MDGA2: variants seen among roughly 807,000 people sequenced by gnomAD.
MDGA2 encodes MAM domain-containing glycosylphosphatidylinositol anchor protein 2.
In MDGA2, 40 loss-of-function variants were observed where a neutral mutation model predicts 117.8. That is an observed-to-expected ratio of 0.34 (90% CI 0.26 to 0.44). The LOEUF is 0.44. Ranked by LOEUF, MDGA2 falls within the 20% of genes least tolerant of loss-of-function variation. The pLI, the probability that MDGA2 is intolerant of heterozygous loss-of-function variation, is 1.00. For synonymous variants in MDGA2, 452 were observed against 439.0 expected (o/e 1.03, Z -0.37); for missense variants, 1,123 against 1,250.6 (o/e 0.90, Z 1.54).
intron 6 of MDGA2, among the ~76,000 whole-genome samples, chr14:47,082,655 C>A (rs922496007): frequency 6.6e-6 from 1 of 151,556 alleles, no homozygotes; most frequent in African/African-American, 2.4e-5. Context: ...AATCCTGAGC[C>A]GGTTTTTCAT....
chr14:47,309,283 T>C (rs1489835628), intron 1 of MDGA2, among the ~76,000 whole-genome samples: 2 of 152,164 alleles, frequency 1.3e-5, no homozygotes, highest in Non-Finnish European at 2.9e-5. Context: ...TCCACATCAA[T>C]GTAAACTTAT....
intron 9 of MDGA2, among the ~76,000 whole-genome samples, chr14:46,945,216 A>C: frequency 6.6e-6 from 1 of 152,120 alleles, no homozygotes; most frequent in East Asian, 1.9e-4. Context: ...GGATGTTCCT[A>C]AACTCTTCTA....
intron 2 of MDGA2, among the ~76,000 whole-genome samples, chr14:47,255,428 T>G (rs1191812804): frequency 6.6e-6 from 1 of 152,100 alleles, no homozygotes; most frequent in African/African-American, 2.4e-5. Flanking sequence ...ATGATCAGAT[T>G]TGTGTGTTCA....
At chr14:46,846,922 G>C (rs1296635868) in intron 15 of MDGA2, among the ~76,000 whole-genome samples, 1 of 152,042 alleles carries the variant, frequency 6.6e-6, no homozygotes, top group Non-Finnish European at 1.5e-5. Context: ...CAACAAATCT[G>C]ACAATGTTTA....
At chr14:47,208,260 T>C (rs894213328) in intron 3 of MDGA2, among the ~76,000 whole-genome samples, 3 of 152,050 alleles carry the variant, frequency 2.0e-5, no homozygotes, top group Non-Finnish European at 4.4e-5. Flanking sequence ...AAAGCAAAGG[T>C]AGCCAGGTTT....
chr14:47,673,051 G>T (rs532163451), intron 1 of MDGA2, among the ~76,000 whole-genome samples: 3 of 152,194 alleles, frequency 2.0e-5, no homozygotes, highest in East Asian at 3.9e-4. Context: ...CCTTAGAGTC[G>T]GGAGAAAGTG....
chr14:47,220,227 T>TG (rs1886249392), intron 2 of MDGA2, among the ~76,000 whole-genome samples: 1 of 152,130 alleles, frequency 6.6e-6, no homozygotes, highest in African/African-American at 2.4e-5. Context: ...GCCTAACTGA[T>TG]GAGAAAAGAA....
intron 16 of MDGA2, among the ~76,000 whole-genome samples, chr14:46,845,338 CTTTCTTTTATAAA>C (rs1226654911): frequency 2.6e-5 from 4 of 152,280 alleles, no homozygotes; most frequent in African/African-American, 7.2e-5. Flanking sequence ...AATTAAATCT[CTTTCTTTTATAAA>C]TTACCCAGTG....
At chr14:47,077,042 A>G (rs1450065798) in intron 6 of MDGA2, among the ~76,000 whole-genome samples, 3 of 150,508 alleles carry the variant, frequency 2.0e-5, no homozygotes, top group Non-Finnish European at 3.0e-5. Context: ...TGAACTTAAA[A>G]CAAGTTTTTT....
intron 1 of MDGA2, among the ~76,000 whole-genome samples, chr14:47,540,540 G>GTGTGTGTGTGTGTGTATATATATATATA: frequency 5.8e-4 from 46 of 79,180 alleles, no homozygotes; most frequent in Non-Finnish European, 9.2e-4. Flanking sequence ...GTGTGTGTGT[G>GTGTGTGTGTGTGTGTATATATATATATA]TATATATATA....
chr14:47,242,830 C>T (rs8023172), intron 2 of MDGA2, among the ~76,000 whole-genome samples: 52,067 of 151,566 alleles, frequency 0.34, 10,352 homozygotes, highest in East Asian at 0.63. Context: ...GGAATGCTAG[C>T]GCAGGGCACA....
chr14:47,617,583 CA>C (rs1896970109), intron 1 of MDGA2, among the ~76,000 whole-genome samples: 1 of 152,156 alleles, frequency 6.6e-6, no homozygotes, highest in Non-Finnish European at 1.5e-5. Context: ...ACAATTTCTG[CA>C]CTAAACCTAC....
intron 1 of MDGA2, among the ~76,000 whole-genome samples, chr14:47,661,525 T>C (rs1435275657): frequency 6.6e-6 from 1 of 152,178 alleles, no homozygotes; most frequent in Non-Finnish European, 1.5e-5. Flanking sequence ...AATATAGATA[T>C]GCCTGGTGCA....
At chr14:47,211,214 A>C (rs534631679) in intron 3 of MDGA2, among the ~76,000 whole-genome samples, 2 of 152,142 alleles carry the variant, frequency 1.3e-5, no homozygotes, top group Admixed American at 1.3e-4. Flanking sequence ...TCGTGCCTTT[A>C]ATCAAATTTC....
At position 47,368,774 on chromosome 14, in the gene MDGA2, C is replaced by T. The variant is rs982982751; in HGVS notation, c.281-67224G>A. 4.2e-5 allele frequency among the ~76,000 whole-genome samples: 6 copies of T among 142,554 alleles called. 1 individual carries two copies. In the South Asian group the frequency reaches 8.7e-4, roughly 21 times the overall value. 93.5% of individuals were successfully genotyped at this position (142,554 alleles called of 152,430 possible). ...AGAATGAAAGAGTTTTACTAGAAAG[C>T]GCATAATTAGAGAGTTCATATAATA... On this transcript the variant is annotated intron_variant, in intron 1 of 16. Coordinates refer to ENST00000399232, the MANE Select transcript of MDGA2 (RefSeq NM_001113498.3).
chr14:46,987,205 T>C (rs981078655), intron 8 of MDGA2, among the ~76,000 whole-genome samples: 6 of 152,114 alleles, frequency 3.9e-5, no homozygotes, highest in Non-Finnish European at 5.9e-5. Flanking sequence ...AACACTAATA[T>C]GCCCACGGTG....
chr14:46,990,348 A>C (rs997012073), intron 8 of MDGA2, among the ~76,000 whole-genome samples: 1 of 152,044 alleles, frequency 6.6e-6, no homozygotes, highest in Non-Finnish European at 1.5e-5. Flanking sequence ...GTATTTCTTA[A>C]ATAAATTACT....
intron 1 of MDGA2, among the ~76,000 whole-genome samples, chr14:47,499,407 CT>C (rs1444065225): frequency 6.6e-6 from 1 of 152,038 alleles, no homozygotes; most frequent in Non-Finnish European, 1.5e-5. Flanking sequence ...AAATATAGTT[CT>C]TTCTCCCCCC....
At chr14:47,535,178 A>T (rs1434184308) in intron 1 of MDGA2, among the ~76,000 whole-genome samples, 1 of 152,204 alleles carries the variant, frequency 6.6e-6, no homozygotes, top group Admixed American at 6.5e-5. Flanking sequence ...AGCTATGTAC[A>T]TTCCATTTAT....
Sources: gnomAD v4.1 joint callset for allele counts (sites outside exome capture counted in the v4.1 genomes callset) on GRCh38, gnomAD v4.1.1 for gene constraint, MANE v1.5 for transcripts, NCBI Gene and HGNC (gene_info 2026-07-23, HGNC 2026-07-21) for gene names.